The following NF1 variants were observed in gnomAD, a reference collection of about 807,000 sequenced individuals.
NF1 encodes neurofibromin 1.
A neutral mutation model predicts 325.7 loss-of-function variants in NF1; 122 were observed. That is an observed-to-expected ratio of 0.37 (90% CI 0.32 to 0.44). The LOEUF (loss-of-function observed/expected upper bound fraction) is 0.44, where lower values mean the gene tolerates loss of function less well. Ranked by LOEUF, NF1 falls within the 20% of genes least tolerant of loss-of-function variation. The probability of loss-of-function intolerance (pLI) is 1.00; values close to 1 mark genes in which losing one functional copy is unlikely to be tolerated. For missense variants in NF1, 2,140 were observed against 3,415.4 expected (o/e 0.63, Z 9.31); for synonymous variants, 1,091 against 1,186.0 (o/e 0.92, Z 1.65).
intron 36 of NF1, chr17:31,296,047 A>T: frequency 1.9e-6 from 3 of 1,614,114 alleles, no homozygotes; most frequent in Non-Finnish European, 2.5e-6. Flanking sequence ...GAGGTAAGTG[A>T]GCAGGCAGGC....
At chr17:31,283,575 C>G (rs139209104) in intron 36 of NF1, among the ~76,000 whole-genome samples, 4 of 152,224 alleles carry the variant, frequency 2.6e-5, no homozygotes, top group African/African-American at 9.6e-5. Flanking sequence ...CCAGCTCAGC[C>G]TCCTGAGTAG....
intron 30 of NF1, 28 bp from the exon 31 acceptor site, chr17:31,252,910 C>T: frequency 6.3e-7 from 1 of 1,598,282 alleles, no homozygotes; most frequent in Non-Finnish European, 8.6e-7. Context: ...GGTGCTGTGA[C>T]TTGTTTGTGC....
At chr17:31,338,925 G>A in intron 46 of NF1, 120 bp downstream of exon 46, 1 of 718,534 alleles carries the variant, frequency 1.4e-6, no homozygotes, top group South Asian at 1.6e-5. Flanking sequence ...AAAAACTATA[G>A]TTAAAGTAGA....
chr17:31,357,658 A>G, intron 54 of NF1: 1 of 449,100 alleles, frequency 2.2e-6, no homozygotes, highest in Non-Finnish European at 4.1e-6. Context: ...AGACTGCTAT[A>G]TCTAAATCAG....
intron 38 of NF1, 30 bp from the exon 39 acceptor site, chr17:31,330,266 T>TA (rs1327339658): frequency 3.1e-6 from 5 of 1,606,638 alleles, no homozygotes; most frequent in Non-Finnish European, 3.4e-6. Flanking sequence ...AAATACGTTT[T>TA]AAAACAACTT....
chr17:31,333,044 A>G (rs2069547802), intron 39 of NF1, among the ~76,000 whole-genome samples: 1 of 152,222 alleles, frequency 6.6e-6, no homozygotes, highest in Non-Finnish European at 1.5e-5. Context: ...CCTGGACAAC[A>G]TAGTGAGGCC....
chr17:31,226,076 G>A (rs1324970630), intron 17 of NF1, among the ~76,000 whole-genome samples: 1 of 151,960 alleles, frequency 6.6e-6, no homozygotes, highest in African/African-American at 2.4e-5. Context: ...TAATTGACTG[G>A]GAGGTACATT....
rs786202436 is a variant in NF1 at position 31,225,203 on chromosome 17, C to T, written c.1954C>T (p.Arg652Cys). The stretch of plus-strand genomic sequence containing the variant: ...GTCCATGGATCATGAAGAATTACTA[C>T]GTACTCCTGGAGCCTCTCTCCGGAA... ...QMSMDHEELL[R>C]TPGASLRKGK... The change falls in exon 17 of 58, where the codon CGT (arginine) becomes TGT (cysteine). Residue 652 changes from arginine (R) to cysteine (C), a missense_variant. Arg to Cys is a radical substitution (Grantham distance 180). Coordinates refer to ENST00000358273, the MANE Select transcript of NF1 (RefSeq NM_001042492.3). 3.1e-6 allele frequency: 5 copies of T among 1,613,734 alleles called. No homozygotes were observed. The highest frequency in any genetic ancestry group is 1.7e-4 in the Middle Eastern group (1 of 6,060).
chr17:31,101,050 C>G (rs1912282281), intron 1 of NF1, among the ~76,000 whole-genome samples: 1 of 151,692 alleles, frequency 6.6e-6, no homozygotes, highest in African/African-American at 2.4e-5. Flanking sequence ...CTGCAGCTCT[C>G]TCTCTGTGGA....
intron 42 of NF1, among the ~76,000 whole-genome samples, 173 bp from the exon 43 acceptor site, chr17:31,337,195 G>C (rs2069698690): frequency 6.6e-6 from 1 of 152,176 alleles, no homozygotes; most frequent in East Asian, 1.9e-4. Flanking sequence ...CTAATTTGTA[G>C]ATAAATGAAG....
At chr17:31,371,919 C>T (rs16972221) in intron 57 of NF1, among the ~76,000 whole-genome samples, 2,658 of 152,262 alleles carry the variant, frequency 0.017, 92 homozygotes, top group African/African-American at 0.06. Context: ...ATGCCTGATA[C>T]TCTTGAGTCG....
chr17:31,313,026 T>A (rs532700645), intron 36 of NF1, among the ~76,000 whole-genome samples: 1 of 152,318 alleles, frequency 6.6e-6, no homozygotes, highest in East Asian at 1.9e-4. Flanking sequence ...CATGTTTGAT[T>A]ATTGACTAAC....
intron 36 of NF1, among the ~76,000 whole-genome samples, chr17:31,277,657 GAAGA>G (rs2068034183): frequency 6.6e-6 from 1 of 152,048 alleles, no homozygotes; most frequent in Non-Finnish European, 1.5e-5. Context: ...AGATTAGGGA[GAAGA>G]AAGAGAGTAA....
At chr17:31,327,381 A>G (rs577145879) in intron 37 of NF1, 118 bp from the exon 38 acceptor site, 2 of 728,834 alleles carry the variant, frequency 2.7e-6, no homozygotes, top group Middle Eastern at 2.4e-4. Flanking sequence ...CAATGGTGGG[A>G]ACTCTTCCTT....
At chr17:31,309,839 A>G (rs192768558) in intron 36 of NF1, among the ~76,000 whole-genome samples, 2 of 152,336 alleles carry the variant, frequency 1.3e-5, no homozygotes, top group African/African-American at 4.8e-5. Flanking sequence ...TTCACTTGTC[A>G]GTTAACGGTT....
chr17:31,217,347 TA>T (rs1187471850), intron 13 of NF1, among the ~76,000 whole-genome samples: 3 of 151,388 alleles, frequency 2.0e-5, no homozygotes, highest in African/African-American at 7.3e-5. Flanking sequence ...AGTCTCACTA[TA>T]TTGCCCAGGC....
intron 1 of NF1, among the ~76,000 whole-genome samples, chr17:31,111,075 A>C (rs1004871848): frequency 5.3e-5 from 8 of 151,522 alleles, no homozygotes; most frequent in Admixed American, 2.0e-4. Flanking sequence ...ACCATCACAA[A>C]CCCCCCCATT....
intron 5 of NF1, among the ~76,000 whole-genome samples, chr17:31,172,355 C>CTCTG (rs2065942873): frequency 1.3e-5 from 2 of 149,360 alleles, no homozygotes; most frequent in Non-Finnish European, 1.5e-5. Context: ...CTCTCTGTCT[C>CTCTG]TCTCTCTCTC....
rs1131691092 is a variant in NF1 at position 31,233,029 on chromosome 17, CAA to C, written c.3525_3526del (p.Arg1176SerfsTer18). ...TTAGGTTACCACAAGGATCTCCAGA[CAA>C]GAGCTACATTTATGGAAGTTCTGAC... is the stretch of plus-strand genomic sequence containing the variant. On this transcript the variant is annotated frameshift_variant, in exon 27 of 58. Coordinates refer to ENST00000358273, the MANE Select transcript of NF1 (RefSeq NM_001042492.3). LOFTEE classifies it high-confidence loss of function. 1.2e-6 allele frequency: 2 copies of C among 1,614,208 alleles called. No individual in the cohort carries two copies. The highest frequency in any genetic ancestry group is 1.7e-6 in the Non-Finnish European group (2 of 1,180,034).
Sources: gnomAD v4.1 joint callset for allele counts (sites outside exome capture counted in the v4.1 genomes callset) on GRCh38, gnomAD v4.1.1 for gene constraint, MANE v1.5 for transcripts, NCBI Gene and HGNC (gene_info 2026-07-23, HGNC 2026-07-21) for gene names.